GPHN: variants seen among roughly 807,000 people sequenced by gnomAD.
The protein encoded by GPHN is gephyrin.
In GPHN, 17 loss-of-function variants were observed where a neutral mutation model predicts 95.5. The ratio of observed to expected loss-of-function variants is 0.18; its 90% CI spans 0.12 to 0.27. The LOEUF is 0.27. Among genes scored for constraint, GPHN ranks in the 10% least tolerant of loss-of-function variants. GPHN has a pLI of 1.00. For synonymous variants in GPHN, 320 were observed against 322.5 expected (o/e 0.99, Z 0.08); for missense variants, 660 against 978.1 (o/e 0.67, Z 4.34).
the GPHN span, chr14:67,584,031 A>T: frequency 6.2e-7 from 1 of 1,614,046 alleles, no homozygotes; most frequent in Non-Finnish European, 8.5e-7. Flanking sequence ...AATGGGCAAC[A>T]TTGCAAGGAT....
intron 1 of GPHN, among the ~76,000 whole-genome samples, chr14:66,534,273 G>T (rs960199837): frequency 1.3e-5 from 2 of 152,024 alleles, no homozygotes; most frequent in African/African-American, 4.8e-5. Flanking sequence ...TCTCCTTCAT[G>T]GTTTTCACAG....
At position 66,599,392 on chromosome 14, in the gene GPHN, A is replaced by ATTTTTTTTTTTTTTTTTTTTTTTTTTT. The variant is rs765267813; in HGVS notation, c.65-81699_65-81698insTTTTTTTTTTTTTTTTTTTTTTTTTTT. On this transcript the variant is annotated intron_variant, in intron 1 of 22. Transcript: ENST00000478722. ...TCTCTGATTTTACATTTTTTTTTGC[A>ATTTTTTTTTTTTTTTTTTTTTTTTTTT]TTTTTTTTTTTTTTTTGCTAGATGC... Among the ~76,000 whole-genome samples, 6 of 76,518 alleles carry ATTTTTTTTTTTTTTTTTTTTTTTTTTT rather than the reference A, an allele frequency of 7.8e-5. 1 individual carries two copies. Among genetic ancestry groups the ATTTTTTTTTTTTTTTTTTTTTTTTTTT allele is most frequent in the African/African-American group, 2.2e-4 (3 of 13,904 alleles). 50.2% of individuals were successfully genotyped at this position (76,518 alleles called of 152,430 possible).
chr14:67,189,914 C>T, the GPHN span, among the ~76,000 whole-genome samples: 1 of 142,714 alleles, frequency 7.0e-6, no homozygotes, highest in Non-Finnish European at 1.5e-5. Context: ...GATCTTGGCT[C>T]ACCACAACCT....
chr14:66,837,651 AAAT>A (rs2061904179), intron 4 of GPHN, among the ~76,000 whole-genome samples: 5 of 149,138 alleles, frequency 3.4e-5, no homozygotes, highest in South Asian at 2.1e-4. Context: ...ATAAATAAAT[AAAT>A]AAAAAGACTG....
At chr14:66,853,433 G>A (rs2062676451) in intron 4 of GPHN, among the ~76,000 whole-genome samples, 1 of 152,182 alleles carries the variant, frequency 6.6e-6, no homozygotes, top group Admixed American at 6.5e-5. Flanking sequence ...AGACATACCT[G>A]AGACTGGGTA....
At chr14:67,280,845 TTCCTTCCTTCCCTCCCTCCCTCCC>T in the GPHN span, among the ~76,000 whole-genome samples, 1 of 113,322 alleles carries the variant, frequency 8.8e-6, no homozygotes, top group South Asian at 2.7e-4. Context: ...CCTTCCTTCC[TTCCTTCCTTCCCTCCCTCCCTCCC>T]TCCCTCCCTC....
chr14:66,808,856 G>A (rs115463240), intron 3 of GPHN, among the ~76,000 whole-genome samples: 5,071 of 152,280 alleles, frequency 0.033, 109 homozygotes, highest in Middle Eastern at 0.061. Flanking sequence ...AGGAAACAGT[G>A]ACCAATTCCA....
At chr14:67,597,525 C>T in the GPHN span, among the ~76,000 whole-genome samples, 1 of 151,740 alleles carries the variant, frequency 6.6e-6, no homozygotes, top group Non-Finnish European at 1.5e-5. Context: ...GTTTGCTTAT[C>T]TCTGTGCTAG....
the GPHN span, among the ~76,000 whole-genome samples, chr14:67,638,506 A>G: frequency 6.6e-6 from 1 of 152,188 alleles, no homozygotes; most frequent in Non-Finnish European, 1.5e-5. Flanking sequence ...AGTACAAACT[A>G]TTTGTCATAG....
chr14:66,796,042 A>G (rs1462182428), intron 3 of GPHN, among the ~76,000 whole-genome samples: 1 of 152,082 alleles, frequency 6.6e-6, no homozygotes, highest in Non-Finnish European at 1.5e-5. Flanking sequence ...CCATGGGTTC[A>G]ATCGTTTTAA....
chr14:67,015,388 T>C (rs1039190377), intron 9 of GPHN, among the ~76,000 whole-genome samples: 2 of 152,160 alleles, frequency 1.3e-5, no homozygotes, highest in African/African-American at 4.8e-5. Flanking sequence ...CATTCTCTTA[T>C]GTTGTACATA....
At chr14:67,088,707 TG>T (rs1305478471) in intron 11 of GPHN, among the ~76,000 whole-genome samples, 1 of 152,264 alleles carries the variant, frequency 6.6e-6, no homozygotes, top group African/African-American at 2.4e-5. Flanking sequence ...AAAGGATTAC[TG>T]ACACATCAAC....
intron 4 of GPHN, among the ~76,000 whole-genome samples, chr14:66,842,949 G>A (rs990162893): frequency 2.0e-5 from 3 of 152,036 alleles, no homozygotes; most frequent in South Asian, 2.1e-4. Context: ...CTCATTTGCA[G>A]TTTATTGATT....
the GPHN span, chr14:67,198,420 A>G: frequency 8.6e-7 from 1 of 1,157,976 alleles, no homozygotes. Context: ...AAATGTGCCG[A>G]GGGAATGTGT....
intron 4 of GPHN, among the ~76,000 whole-genome samples, chr14:66,852,654 A>G (rs975381832): frequency 6.6e-6 from 1 of 152,234 alleles, no homozygotes; most frequent in Non-Finnish European, 1.5e-5. Context: ...GCTTCATTTC[A>G]AAGATGTATC....
chr14:67,027,049 T>A (rs961504256), intron 10 of GPHN, among the ~76,000 whole-genome samples: 7 of 152,208 alleles, frequency 4.6e-5, no homozygotes, highest in Non-Finnish European at 1.0e-4. Flanking sequence ...TAGGTAAGAA[T>A]AGAAATTGAT....
chr14:66,680,623 A>C (rs2066881697), intron 1 of GPHN, among the ~76,000 whole-genome samples: 1 of 152,172 alleles, frequency 6.6e-6, no homozygotes, highest in Admixed American at 6.5e-5. Context: ...CTAACTGGCA[A>C]ATCCTTCCAG....
chr14:66,657,990 T>A (rs12587201), intron 1 of GPHN, among the ~76,000 whole-genome samples: 1 of 152,158 alleles, frequency 6.6e-6, no homozygotes, highest in East Asian at 1.9e-4. Flanking sequence ...GCAAAGTAAT[T>A]TGAAAACATT....
intron 1 of GPHN, among the ~76,000 whole-genome samples, chr14:66,511,143 G>A (rs560026959): frequency 6.6e-6 from 1 of 152,222 alleles, no homozygotes; most frequent in African/African-American, 2.4e-5. Context: ...TAACTAGTGG[G>A]TTTCATTATC....
Sources: allele counts gnomAD v4.1 joint callset (sites outside exome capture counted in the v4.1 genomes callset), GRCh38; gene constraint gnomAD v4.1.1; transcripts MANE v1.5; gene names NCBI Gene and HGNC (gene_info 2026-07-23, HGNC 2026-07-21).